The following GBP5 variants were observed in gnomAD, a reference collection of about 807,000 sequenced individuals.
GBP5 encodes the protein guanylate-binding protein 5.
Under a neutral mutation model 58.2 loss-of-function variants are expected in GBP5, and 48 were observed. The ratio of observed to expected loss-of-function variants is 0.83; its 90% CI spans 0.65 to 1.05. The LOEUF is 1.05. Ranked by LOEUF, GBP5 falls within the 50% of genes least tolerant of loss-of-function variation. GBP5 has a pLI of 0.00. For missense variants in GBP5, 714 were observed against 686.8 expected (o/e 1.04, Z -0.44); for synonymous variants, 248 against 251.8 (o/e 0.98, Z 0.14).
At chr1:89,264,562 A>G in intron 8 of GBP5, 124 bp downstream of exon 8, 1 of 807,750 alleles carries the variant, frequency 1.2e-6, no homozygotes, top group Non-Finnish European at 2.0e-6. Flanking sequence ...AAGTGGTGTC[A>G]TGGCTATATA....
At position 89,268,863 on chromosome 1, in the gene GBP5, G is replaced by C; in HGVS notation, c.191-7C>G. The stretch of plus-strand genomic sequence containing the variant: ...GTAGATGCAACAGAGAAGCCTGTCA[G>C]GGGGAGTGAGAGGTTGTAATAGAAG... On this transcript the variant is annotated splice_region_variant and splice_polypyrimidine_tract_variant and intron_variant, in intron 3 of 11. Coordinates refer to ENST00000370459, the MANE Select transcript of GBP5 (RefSeq NM_052942.5). 4 of 1,612,610 alleles carry C rather than the reference G, an allele frequency of 2.5e-6. No individual in the cohort carries two copies. The highest frequency in any genetic ancestry group is 3.4e-6 in the Non-Finnish European group (4 of 1,179,356).
rs1649803092 is a variant in GBP5 at position 89,256,677 on chromosome 1, G to T, written c.*4027C>A. On this transcript the variant is annotated 3_prime_UTR_variant, in exon 12 of 12. Transcript: ENST00000370459. ...TTTAGAAAGGCCCTCTCCTCTACAG[G>T]TTTATGAAGAACATAACCTTGATTT... Among the ~76,000 whole-genome samples, 1 of 152,138 alleles carries T rather than the reference G, an allele frequency of 6.6e-6. No individual in the cohort carries two copies.
In GBP5 at chr1:89,261,979, C is replaced by T. The variant is rs963836105; in HGVS notation, c.1647+241G>A. The T allele has an allele frequency of 5.0e-5, 25 of 499,320 alleles. No homozygotes were observed. In the Middle Eastern group the frequency reaches 1.5e-3, roughly 31 times the overall value. The allele number at this position is 499,320 out of a possible 1,614,324, so 30.9% of individuals were successfully genotyped here. On this transcript the variant is annotated intron_variant, in intron 11 of 11. Transcript: ENST00000370459. ...TAACTCATTTAATTATCAAAATAAC[C>T]CTATAACATAGATATCATCACTGTG...
Position 89,256,877 on chromosome 1 carries a change from A to G in GBP5, c.*3827T>C, listed in dbSNP as rs913057682. ...TCTATCTTTACCCTGTATTATTCCTATAAAGTCTATTTTTTGGACTTTCTA... is the reference window on the plus strand; with the variant it reads ...TCTATCTTTACCCTGTATTATTCCTGTAAAGTCTATTTTTTGGACTTTCTA... On this transcript the variant is annotated 3_prime_UTR_variant, in exon 12 of 12. Coordinates refer to ENST00000370459, the MANE Select transcript of GBP5 (RefSeq NM_052942.5). 3.9e-5 allele frequency among the ~76,000 whole-genome samples: 6 copies of G among 152,148 alleles called. No individual in the cohort carries two copies. Among genetic ancestry groups the G allele is most frequent in the Admixed American group, 1.3e-4 (2 of 15,274 alleles).
In GBP5 at chr1:89,264,829, G is replaced by T; in HGVS notation, c.1006C>A (p.Gln336Lys). 6.2e-7 allele frequency: 1 copy of T among 1,614,156 alleles called. No homozygotes were observed. Reference sequence around the variant, plus strand: ...GGCAGCTGCACTTTCTGGCCCATTTGCTGGTCATAGTGGGCAATGGCCTTT... The same window carrying T: ...GGCAGCTGCACTTTCTGGCCCATTTTCTGGTCATAGTGGGCAATGGCCTTT... Reference protein sequence around the residue: ...VQKAIAHYDQQMGQKVQLPME... With the variant: ...VQKAIAHYDQKMGQKVQLPME... Residue 336 changes from glutamine to lysine, a missense_variant, in exon 8 of 12, where the codon CAA (glutamine) becomes AAA (lysine). Gln to Lys is a moderately conservative substitution (Grantham distance 53). Transcript: ENST00000370459.
chr1:89,262,538 G>T (rs1180420340), intron 10 of GBP5, 137 bp from the exon 11 acceptor site: 8 of 907,032 alleles, frequency 8.8e-6, no homozygotes, highest in Non-Finnish European at 1.3e-5. Flanking sequence ...CACAATGCAG[G>T]ATCATGCCAG....
Position 89,260,355 on chromosome 1 carries a change from C to T in GBP5, c.*349G>A, listed in dbSNP as rs1003795757. 2 of 185,136 alleles carry T rather than the reference C, an allele frequency of 1.1e-5. No homozygotes were observed. Among genetic ancestry groups the T allele is most frequent in the Admixed American group, 5.7e-5 (1 of 17,540 alleles). The allele number at this position is 185,136 out of a possible 1,614,324, so 11.5% of individuals were successfully genotyped here. On this transcript the variant is annotated 3_prime_UTR_variant, in exon 12 of 12. Coordinates refer to ENST00000370459, the MANE Select transcript of GBP5 (RefSeq NM_052942.5). ...GGCCTGAGGGTTGGGAAGCCCTGCT[C>T]TAGGTAACATAATCCCCTTATGAGA...
At chr1:89,261,783 C>A (rs1650012239) in intron 11 of GBP5, among the ~76,000 whole-genome samples, 1 of 152,136 alleles carries the variant, frequency 6.6e-6, no homozygotes, top group African/African-American at 2.4e-5. Flanking sequence ...GGCATAGACA[C>A]AGTAACATGA....
At chr1:89,267,625 A>G (rs1650278647) in intron 4 of GBP5, 99 bp from the exon 5 acceptor site, 2 of 717,782 alleles carry the variant, frequency 2.8e-6, no homozygotes, top group Non-Finnish European at 4.9e-6. Flanking sequence ...AAGACAAAAG[A>G]AAAAGATTGT....
At chr1:89,262,660 C>A (rs530157452) in intron 10 of GBP5, 23 bp downstream of exon 10, 1 of 1,479,660 alleles carries the variant, frequency 6.8e-7, no homozygotes, top group African/African-American at 1.4e-5. Flanking sequence ...TTCTATCTTG[C>A]ATAATTTCCA....
chr1:89,259,879 CCTTA>C lies in GBP5; in HGVS notation c.*821_*824del, dbSNP rs1363432237. 1 of 152,162 alleles carries C rather than the reference CCTTA, an allele frequency of 6.6e-6. No individual in the cohort carries two copies. The highest frequency in any genetic ancestry group is 1.5e-5 in the Non-Finnish European group (1 of 68,092). 9.4% of individuals were successfully genotyped at this position (152,162 alleles called of 1,614,324 possible). A position where few individuals can be genotyped will look rare whatever the true frequency, so the allele number is the denominator to read the frequency against. ...AAACCCCTGCAGACCTACTTATACCCCTTAGCCTGTAAGCCCGGTGTCTGCCTCC... is the reference window on the plus strand; with the variant it reads ...AAACCCCTGCAGACCTACTTATACCCGCCTGTAAGCCCGGTGTCTGCCTCC... On this transcript the variant is annotated 3_prime_UTR_variant, in exon 12 of 12. Transcript: ENST00000370459.
At chr1:89,270,071 T>A (rs1180876959) in intron 2 of GBP5, 1 of 152,278 alleles carries the variant, frequency 6.6e-6, no homozygotes, top group East Asian at 1.9e-4. Flanking sequence ...CAGCATTATC[T>A]AACAAATCAT....
Position 89,257,567 on chromosome 1 carries a change from A to C in GBP5, c.*3137T>G, listed in dbSNP as rs1456854958. ...TAATTTCAATGCTTTAACAATAATA[A>C]CTTTAATAATGATAACACTAACATA... On this transcript the variant is annotated 3_prime_UTR_variant, in exon 12 of 12. Coordinates refer to ENST00000370459, the MANE Select transcript of GBP5 (RefSeq NM_052942.5). Among the ~76,000 whole-genome samples, 1 of 152,212 alleles carries C rather than the reference A, an allele frequency of 6.6e-6. No individual in the cohort carries two copies. Among genetic ancestry groups the C allele is most frequent in the African/African-American group, 2.4e-5 (1 of 41,452 alleles).
rs138325672 is a variant in GBP5, at chr1:89,267,013, T to A, written c.569A>T (p.Asp190Val). 7.4e-6 allele frequency: 12 copies of A among 1,612,008 alleles called. No homozygotes were observed. The African/African-American group carries it at 1.2e-4, about 16-fold the overall frequency. ...LRDFCLGLEI[D>V]GQLVTPDEYL... ...TTCATCTGGTGTGACAAGTTGCCCA[T>A]CTATTTCCAGGCCTAAGCAGAAATC... Residue 190 changes from aspartate (D) to valine (V), a missense_variant, in exon 6 of 12, where the codon GAT becomes GTT. Coordinates refer to ENST00000370459, the MANE Select transcript of GBP5 (RefSeq NM_052942.5).
intron 4 of GBP5, among the ~76,000 whole-genome samples, chr1:89,267,822 A>C (rs746153808): frequency 6.6e-6 from 1 of 152,206 alleles, no homozygotes; most frequent in Non-Finnish European, 1.5e-5. Context: ...TACCCAGTAC[A>C]TATACCTATT....
intron 4 of GBP5, among the ~76,000 whole-genome samples, chr1:89,268,251 T>C (rs947938540): frequency 6.6e-6 from 1 of 152,242 alleles, no homozygotes; most frequent in Non-Finnish European, 1.5e-5. Context: ...GTTAAGTACT[T>C]ACCAGCATAT....
chr1:89,268,999 A>G (rs1650335926), intron 3 of GBP5, 143 bp from the exon 4 acceptor site: 1 of 813,532 alleles, frequency 1.2e-6, no homozygotes, highest in Admixed American at 2.9e-5. Flanking sequence ...GATGATGCAG[A>G]AATGGAAAAA....
intron 7 of GBP5, among the ~76,000 whole-genome samples, chr1:89,265,660 G>A (rs1042051200): frequency 1.3e-5 from 2 of 150,036 alleles, no homozygotes; most frequent in Middle Eastern, 3.5e-3. Flanking sequence ...CCCAGGAGGC[G>A]GAGCTTGCAG....
rs760165620 is a variant in GBP5 at position 89,269,542 on chromosome 1, A to C, written c.14T>G (p.Ile5Ser). ...GAGGCACATGGGGTCTGACATGTGG[A>C]TCTCTAAAGCCATGTCTAGGATGTT... MALEIHMSDPMCLIE... is the reference protein window; with the variant it reads MALESHMSDPMCLIE... The change falls in exon 3 of 12, where the codon ATC becomes AGC. Residue 5 changes from isoleucine to serine, a missense_variant. Physicochemically the swap from Ile to Ser is moderately radical, Grantham distance 142. Transcript: ENST00000370459. 38 of 1,612,590 alleles carry C rather than the reference A, an allele frequency of 2.4e-5. No homozygotes were observed. The highest frequency in any genetic ancestry group is 9.4e-5 in the African/African-American group (7 of 74,864).
Sources: gnomAD v4.1 joint callset for allele counts (sites outside exome capture counted in the v4.1 genomes callset) on GRCh38, gnomAD v4.1.1 for gene constraint, MANE v1.5 for transcripts, NCBI Gene and HGNC (gene_info 2026-07-23, HGNC 2026-07-21) for gene names.